STPG2: variants seen among roughly 807,000 people sequenced by gnomAD.
The protein encoded by STPG2 is sperm-tail PG-rich repeat-containing protein 2.
STPG2 carries 56 observed loss-of-function variants against 54.2 expected under a neutral mutation model. The observed-to-expected ratio is 1.03, with a 90% CI of 0.83 to 1.29. The LOEUF is 1.29. Among genes scored for constraint, STPG2 ranks in the 50% most tolerant of loss-of-function variants. The probability of loss-of-function intolerance (pLI) is 0.00; values close to 1 mark genes in which losing one functional copy is unlikely to be tolerated. For synonymous variants in STPG2, 200 were observed against 181.8 expected, an observed-to-expected ratio of 1.10 and a Z score of -0.81; for missense variants, 596 against 544.9, an observed-to-expected ratio of 1.09 and a Z score of -0.93.
At chr4:97,554,808 G>C (rs990833358), downstream of STPG2, among the ~76,000 whole-genome samples, 1 of 152,072 alleles carries the variant, frequency 6.6e-6, no homozygotes, top group African/African-American at 2.4e-5. Flanking sequence ...AAACTGTCTT[G>C]AACTTCATTT....
chr4:98,110,080 T>A (rs962648467), intron 3 of STPG2, among the ~76,000 whole-genome samples: 1 of 152,128 alleles, frequency 6.6e-6, no homozygotes, highest in Non-Finnish European at 1.5e-5. Context: ...ATTTTTAAGC[T>A]AATGGTATTT....
chr4:97,863,277 C>T (rs1288747117), intron 8 of STPG2, among the ~76,000 whole-genome samples: 1 of 152,104 alleles, frequency 6.6e-6, no homozygotes, highest in African/African-American at 2.4e-5. Flanking sequence ...CACCACCGAT[C>T]CCACAGAAAT....
intron 5 of STPG2, among the ~76,000 whole-genome samples, chr4:98,028,631 T>A (rs1026133931): frequency 1.3e-5 from 2 of 152,218 alleles, no homozygotes; most frequent in Non-Finnish European, 2.9e-5. Context: ...TTATAGTAGA[T>A]GTTTTGAACC....
chr4:97,460,001 T>C (rs1419134940), intron 4 of STPG2, among the ~76,000 whole-genome samples: 1 of 152,208 alleles, frequency 6.6e-6, no homozygotes, highest in Non-Finnish European at 1.5e-5. Context: ...CTTCACTTAC[T>C]AAAGCTCTAC....
At chr4:97,736,703 C>T (rs1002096182) in intron 9 of STPG2, among the ~76,000 whole-genome samples, 6 of 152,188 alleles carry the variant, frequency 3.9e-5, no homozygotes, top group South Asian at 2.1e-4. Flanking sequence ...ACAAAGGAGC[C>T]GGGAAGCTCG....
chr4:98,091,214 TG>T (rs1738675217), intron 5 of STPG2, among the ~76,000 whole-genome samples: 2 of 152,072 alleles, frequency 1.3e-5, no homozygotes, highest in Admixed American at 1.3e-4. Flanking sequence ...GCATTCACTA[TG>T]TGAACCACTA....
At chr4:97,616,092 A>AGATATG (rs1733865960) in intron 10 of STPG2, among the ~76,000 whole-genome samples, 1 of 63,268 alleles carries the variant, frequency 1.6e-5, no homozygotes, top group East Asian at 4.3e-4. Context: ...ATATATATAT[A>AGATATG]TATGTATGTA....
intron 8 of STPG2, among the ~76,000 whole-genome samples, chr4:97,858,799 T>C (rs72686429): frequency 0.12 from 17,725 of 152,250 alleles, 1,442 homozygotes; most frequent in East Asian, 0.36. Flanking sequence ...CACTCATTGG[T>C]TGATGGACAT....
In STPG2 at chr4:97,840,826, G is replaced by T. The variant is rs769011873; in HGVS notation, c.1151C>A (p.Ala384Asp). Reference protein sequence around the residue: ...PRSLVAKRKHASFLSATPRCL... With the variant: ...PRSLVAKRKHDSFLSATPRCL... ...CCGAGGAGTTGCACTAAGAAAAGAG[G>T]CATGTTTTCTTTTAGCCACTAAACT... is the stretch of plus-strand genomic sequence containing the variant. Residue 384 changes from alanine (A) to aspartate (D), a missense_variant, in exon 9 of 11, where the codon GCC (alanine) becomes GAC (aspartate). Ala to Asp is a moderately radical substitution (Grantham distance 126). Coordinates refer to ENST00000295268, the MANE Select transcript of STPG2 (RefSeq NM_174952.3). 1.1e-5 allele frequency: 17 copies of T among 1,612,050 alleles called. No individual in the cohort carries two copies. The South Asian group carries it at 1.9e-4, about 18-fold the overall frequency.
At chr4:97,728,651 AC>A (rs1724693808) in intron 9 of STPG2, among the ~76,000 whole-genome samples, 1 of 151,874 alleles carries the variant, frequency 6.6e-6, no homozygotes. Context: ...ATCTGAGCAT[AC>A]CTGTTGAAGT....
At chr4:97,696,599 G>A (rs1226493085) in intron 10 of STPG2, among the ~76,000 whole-genome samples, 5 of 152,194 alleles carry the variant, frequency 3.3e-5, no homozygotes, top group African/African-American at 1.2e-4. Flanking sequence ...CCCACAGAGT[G>A]GGAGAAAATC....
intron 4 of STPG2, among the ~76,000 whole-genome samples, chr4:97,480,457 T>G (rs116315602): frequency 0.014 from 2,119 of 151,658 alleles, 42 homozygotes; most frequent in African/African-American, 0.048. Context: ...CTTATCTCAT[T>G]TTAAGAGGCC....
chr4:97,577,636 C>T (rs1732755686), intron 10 of STPG2, among the ~76,000 whole-genome samples: 1 of 152,078 alleles, frequency 6.6e-6, no homozygotes, highest in Non-Finnish European at 1.5e-5. Context: ...GTATTATGCT[C>T]AGTACATGGG....
At chr4:97,597,013 G>A (rs13130146) in intron 10 of STPG2, among the ~76,000 whole-genome samples, 23,480 of 151,822 alleles carry the variant, frequency 0.15, 2,059 homozygotes, top group Middle Eastern at 0.25. Flanking sequence ...ATGGACAGAT[G>A]CCCAGCTAGA....
At chr4:97,719,380 A>G (rs998421700) in intron 9 of STPG2, among the ~76,000 whole-genome samples, 3 of 151,948 alleles carry the variant, frequency 2.0e-5, no homozygotes, top group Non-Finnish European at 4.4e-5. Context: ...TTCATGGACC[A>G]CAGACATCAG....
intron 1 of STPG2, among the ~76,000 whole-genome samples, chr4:98,135,996 A>G (rs1211757511): frequency 6.6e-6 from 1 of 151,812 alleles, no homozygotes; most frequent in African/African-American, 2.4e-5. Context: ...TGACCCATAA[A>G]GAGGAGAAAA....
chr4:97,749,376 C>A (rs1283330808), intron 9 of STPG2, among the ~76,000 whole-genome samples: 4 of 151,656 alleles, frequency 2.6e-5, no homozygotes, highest in Non-Finnish European at 5.9e-5. Context: ...CCATTATTCA[C>A]TGTTTTATTC....
intron 9 of STPG2, among the ~76,000 whole-genome samples, chr4:97,823,410 G>C (rs954410228): frequency 6.9e-4 from 105 of 152,228 alleles, no homozygotes; most frequent in African/African-American, 2.4e-3. Context: ...AGCAAACCCT[G>C]GGTGAATGCA....
At chr4:97,813,116 A>G (rs555960472) in intron 9 of STPG2, among the ~76,000 whole-genome samples, 1 of 152,122 alleles carries the variant, frequency 6.6e-6, no homozygotes, top group South Asian at 2.1e-4. Context: ...CTATCATCCT[A>G]TCTTTTCTGC....
Sources: gnomAD v4.1 joint callset for allele counts (sites outside exome capture counted in the v4.1 genomes callset) on GRCh38, gnomAD v4.1.1 for gene constraint, MANE v1.5 for transcripts, NCBI Gene and HGNC (gene_info 2026-07-23, HGNC 2026-07-21) for gene names.